Variants in MPP1 observed in about 807,000 individuals in gnomAD.
MPP1 encodes the protein MAGUK p55 scaffold protein 1.
In MPP1, 6 loss-of-function variants were observed where a neutral mutation model predicts 38.2. That is an observed-to-expected ratio of 0.16 (90% CI 0.09 to 0.31). The LOEUF (loss-of-function observed/expected upper bound fraction) is 0.31, where lower values mean the gene tolerates loss of function less well. MPP1 is among the 10% of genes least tolerant of loss of function. MPP1 has a pLI of 1.00. For synonymous variants in MPP1, 153 were observed against 146.3 expected, an observed-to-expected ratio of 1.05 and a Z score of -0.33; for missense variants, 293 against 368.9, an observed-to-expected ratio of 0.79 and a Z score of 1.69.
chrX:154,797,353 AC>A (rs1238013514), intron 1 of MPP1, among the ~76,000 whole-genome samples: 16 of 112,034 alleles, frequency 1.4e-4, no homozygotes, highest in Non-Finnish European at 3.0e-4. Flanking sequence ...AAAGGTACAG[AC>A]CCATGAAAAG....
At chrX:154,803,363 C>A (rs2072286318) in intron 1 of MPP1, among the ~76,000 whole-genome samples, 1 of 112,507 alleles carries the variant, frequency 8.9e-6, no homozygotes, top group African/African-American at 3.2e-5. Flanking sequence ...TTCTTCAAAT[C>A]CGTTAGTAAA....
rs1557267833 is a variant in MPP1, at chrX:154,792,226, G to C, written c.162C>G (p.Ala54=). Reference sequence around the variant, plus strand: ...CCTTGACCTGGGCAGGGCTACCTGGGGCAGGAGACCCGTTGGTGTACATGT... The same window carrying C: ...CCTTGACCTGGGCAGGGCTACCTGGCGCAGGAGACCCGTTGGTGTACATGT... The part of the protein sequence containing the change: ...TEDMYTNGSP[A]PGSPAQVKGQ... The change falls in exon 2 of 12, where the codon GCC becomes GCG. Residue 54 remains alanine (A), a synonymous_variant. Transcript: ENST00000369534. 8.3e-7 allele frequency: 1 copy of C among 1,211,793 alleles called. No individual in the cohort carries two copies. The highest frequency in any genetic ancestry group is 2.2e-5 in the Admixed American group (1 of 46,079).
intron 1 of MPP1, among the ~76,000 whole-genome samples, chrX:154,799,082 T>G (rs2072233426): frequency 8.9e-6 from 1 of 111,974 alleles, no homozygotes; most frequent in Admixed American, 9.4e-5. Context: ...GCTTTTTACA[T>G]GTCAGCCTTT....
At chrX:154,787,995 C>A (rs1557267404) in intron 5 of MPP1, among the ~76,000 whole-genome samples, 1 of 112,350 alleles carries the variant, frequency 8.9e-6, no homozygotes, top group Admixed American at 9.4e-5. Context: ...AATTGGTATC[C>A]ATATGGAAAA....
intron 3 of MPP1, 125 bp downstream of exon 3, chrX:154,791,644 C>A: frequency 1.7e-6 from 1 of 590,974 alleles, no homozygotes; most frequent in South Asian, 3.0e-5. Flanking sequence ...CACAAAAAGT[C>A]TCTTGGCACA....
At position 154,779,020 on chromosome X, in the gene MPP1, CAAG is replaced by C. The variant is rs1156645525; in HGVS notation, c.*154_*156del. On this transcript the variant is annotated 3_prime_UTR_variant, in exon 12 of 12. Transcript: ENST00000369534. Reference sequence around the variant, plus strand: ...AGAATCAACCCTTCAGGAGCCTGAGCAAGAAGACTGAACCTTACTGGCTGAATT... The same window carrying C: ...AGAATCAACCCTTCAGGAGCCTGAGCAAGACTGAACCTTACTGGCTGAATT... The C allele has an allele frequency of 1.5e-4, 79 of 525,534 alleles. 1 individual carries two copies. Among genetic ancestry groups the C allele is most frequent in the South Asian group, 1.5e-3 (34 of 23,257 alleles). 43.3% of individuals were successfully genotyped at this position (525,534 alleles called of 1,213,427 possible).
In MPP1 at chrX:154,786,396, A is replaced by T; in HGVS notation, c.485T>A (p.Phe162Tyr). Residue 162 changes from phenylalanine (F) to tyrosine (Y), a missense_variant, in exon 6 of 12, where the codon TTC (phenylalanine) becomes TAC (tyrosine). By Grantham distance (22) the Phe-to-Tyr change is conservative. Coordinates refer to ENST00000369534, the MANE Select transcript of MPP1 (RefSeq NM_002436.4). ...QQSRLPALQM[F>Y]MRAQFDYDPK... ...ATCATAGTCAAACTGCGCTCTCATG[A>T]ACATCTAAAAAGAAGGTAAAAGGAA... The T allele has an allele frequency of 8.3e-7, 1 of 1,206,771 alleles. No homozygotes were observed. The highest frequency in any genetic ancestry group is 1.1e-6 in the Non-Finnish European group (1 of 893,002).
chrX:154,799,974 G>T, intron 1 of MPP1: 1 of 842,333 alleles, frequency 1.2e-6, no homozygotes. Context: ...GGCAACTGAA[G>T]TTGGCTTTCT....
intron 1 of MPP1, among the ~76,000 whole-genome samples, chrX:154,794,441 C>A (rs897119394): frequency 9.0e-6 from 1 of 110,915 alleles, no homozygotes; most frequent in Non-Finnish European, 1.9e-5. Flanking sequence ...AATATTAAAT[C>A]AAAAATGATA....
At chrX:154,790,083 A>G (rs782432692) in intron 4 of MPP1, 61 bp from the exon 5 acceptor site, 17 of 784,966 alleles carry the variant, frequency 2.2e-5, no homozygotes, top group Non-Finnish European at 3.2e-5. Flanking sequence ...GTGATCATTC[A>G]TTCAAAGTCC....
Position 154,785,140 on chromosome X carries a change from G to A in MPP1, c.695C>T (p.Ala232Val). ...ELQEWRVASM[A>V]QSAPSEAPSC... ...CGGGGCTTCGCTAGGAGCTGACTGA[G>A]CCATACTTGCCACTCGCCTGGTAGG... Residue 232 changes from alanine (A) to valine (V), a missense_variant, in exon 7 of 12, where the codon GCT (alanine) becomes GTT (valine). By Grantham distance (64) the Ala-to-Val change is moderately conservative. Transcript: ENST00000369534. The A allele has an allele frequency of 8.4e-7, 1 of 1,197,452 alleles. No individual in the cohort carries two copies. Among genetic ancestry groups the A allele is most frequent in the Non-Finnish European group, 1.1e-6 (1 of 886,483 alleles).
At chrX:154,797,981 G>A (rs2072215977) in intron 1 of MPP1, among the ~76,000 whole-genome samples, 1 of 112,604 alleles carries the variant, frequency 8.9e-6, no homozygotes, top group South Asian at 3.6e-4. Context: ...TTTCACCAAA[G>A]AGGATATATA....
intron 1 of MPP1, among the ~76,000 whole-genome samples, chrX:154,802,367 G>A (rs187629305): frequency 5.4e-5 from 6 of 111,892 alleles, no homozygotes; most frequent in Admixed American, 3.8e-4. Flanking sequence ...GACCACCAGC[G>A]GGGAGTAATG....
At chrX:154,801,758 C>CAAAAGAAAAAAAAA (rs2072264310) in intron 1 of MPP1, among the ~76,000 whole-genome samples, 1 of 6,851 alleles carries the variant, frequency 1.5e-4, no homozygotes, top group Non-Finnish European at 2.2e-4. Context: ...AACTCTGTCT[C>CAAAAGAAAAAAAAA]AAAAAAAAAA....
In MPP1 at chrX:154,781,805, G is replaced by A; in HGVS notation, c.947-3C>T. ...CTTCCTTGGCGGCCGTGTTGTATCT[G>A]TGTACAAGAACCCAAATCCCCGACA... On this transcript the variant is annotated splice_region_variant and splice_polypyrimidine_tract_variant and intron_variant, in intron 9 of 11. Coordinates refer to ENST00000369534, the MANE Select transcript of MPP1 (RefSeq NM_002436.4). 1 of 1,206,896 alleles carries A rather than the reference G, an allele frequency of 8.3e-7. No individual in the cohort carries two copies. The highest frequency in any genetic ancestry group is 1.1e-6 in the Non-Finnish European group (1 of 891,611).
chrX:154,781,829 C>T (rs898978949), intron 9 of MPP1, 27 bp from the exon 10 acceptor site: 1 of 1,187,570 alleles, frequency 8.4e-7, no homozygotes, highest in Non-Finnish European at 1.1e-6. Context: ...AAATCCCCGA[C>T]AAACTCCAGG....
chrX:154,799,700 G>C, intron 1 of MPP1: 2 of 1,130,420 alleles, frequency 1.8e-6, no homozygotes, highest in Non-Finnish European at 2.4e-6. Context: ...GCTCTGTTAA[G>C]GATGACTGCT....
intron 7 of MPP1, 83 bp downstream of exon 7, chrX:154,784,968 C>T: frequency 1.2e-6 from 1 of 866,908 alleles, no homozygotes; most frequent in South Asian, 2.1e-5. Flanking sequence ...ACTGCACCAC[C>T]TCCCCTTTTC....
At chrX:154,798,314 T>C (rs1368948785) in intron 1 of MPP1, among the ~76,000 whole-genome samples, 2 of 112,501 alleles carry the variant, frequency 1.8e-5, no homozygotes, top group East Asian at 5.5e-4. Context: ...CTCAAAAGCC[T>C]GTACATGAAT....
Sources: gnomAD v4.1 joint callset for allele counts (sites outside exome capture counted in the v4.1 genomes callset) on GRCh38, gnomAD v4.1.1 for gene constraint, MANE v1.5 for transcripts, NCBI Gene and HGNC (gene_info 2026-07-23, HGNC 2026-07-21) for gene names.